Variants in SDK2 observed in about 807,000 individuals in gnomAD.
The protein encoded by SDK2 is sidekick cell adhesion molecule 2.
Under a neutral mutation model 253.9 loss-of-function variants are expected in SDK2, and 105 were observed. That is an observed-to-expected ratio of 0.41 (90% confidence interval 0.35 to 0.49). SDK2 has a LOEUF of 0.49. SDK2 is among the 20% of genes least tolerant of loss of function. The pLI is 0.06. For missense variants in SDK2, 2,608 were observed against 3,003.0 expected (o/e 0.87, Z 3.07); for synonymous variants, 1,249 against 1,234.9 (o/e 1.01, Z -0.24).
At chr17:73,392,223 T>TC (rs56198145) in intron 27 of SDK2, among the ~76,000 whole-genome samples, 147,787 of 147,788 alleles carry the variant, frequency 1, 73,893 homozygotes, top group Non-Finnish European at 1. Flanking sequence ...GGGGCACTCT[T>TC]CTGTGTTGCC....
intron 1 of SDK2, among the ~76,000 whole-genome samples, chr17:73,603,356 C>T (rs763263327): frequency 2.6e-5 from 4 of 152,198 alleles, no homozygotes; most frequent in African/African-American, 4.8e-5. Context: ...ACTTCTGGGC[C>T]GGACTGAGAG....
chr17:73,441,274 G>A (rs2063413703), intron 5 of SDK2, among the ~76,000 whole-genome samples: 1 of 149,854 alleles, frequency 6.7e-6, no homozygotes, highest in Non-Finnish European at 1.5e-5. Context: ...TGTTGGTTTA[G>A]TTCTGCATTG....
chr17:73,353,333 G>A (rs1185569102), intron 40 of SDK2, among the ~76,000 whole-genome samples: 2 of 152,072 alleles, frequency 1.3e-5, no homozygotes, highest in Non-Finnish European at 2.9e-5. Context: ...TTATCATATG[G>A]GAATACCCTT....
In SDK2 at chr17:73,431,379, A is replaced by G. The variant is rs2063324353; in HGVS notation, c.1480+123T>C. On this transcript the variant is annotated intron_variant, in intron 11 of 44. Coordinates refer to ENST00000392650, the MANE Select transcript of SDK2 (RefSeq NM_001144952.2). This position sits in a 1 kb window ranked among gnomAD's most constrained non-coding sequence, Gnocchi z 5.6. ...GAGAAGGGCCCTGACTGGGACAGAC[A>G]CTGGGGATGGAGACACTGGTGGTAT... is the stretch of plus-strand genomic sequence containing the variant. 1 of 948,956 alleles carries G rather than the reference A, an allele frequency of 1.1e-6. No homozygotes were observed. Among genetic ancestry groups the G allele is most frequent in the Non-Finnish European group, 1.5e-6 (1 of 649,814 alleles). The allele number at this position is 948,956 out of a possible 1,614,324, so 58.8% of individuals were successfully genotyped here.
chr17:73,532,928 G>A (rs2064181605), intron 1 of SDK2, among the ~76,000 whole-genome samples: 1 of 152,200 alleles, frequency 6.6e-6, no homozygotes, highest in Non-Finnish European at 1.5e-5. Context: ...CGGCACAGCG[G>A]TTTACCCAGA....
chr17:73,461,437 G>A (rs1007537588), intron 3 of SDK2, among the ~76,000 whole-genome samples: 2 of 152,254 alleles, frequency 1.3e-5, no homozygotes, highest in Non-Finnish European at 2.9e-5. Context: ...GAGAGGAATA[G>A]CAGGAGGACC....
rs1480936349 is a variant in SDK2, at chr17:73,401,518, T to A, written c.2779+136A>T. The A allele has an allele frequency of 9.7e-6, 8 of 828,126 alleles. No homozygotes were observed. In the Admixed American group the frequency reaches 1.6e-4, roughly 17 times the overall value. 51.3% of individuals were successfully genotyped at this position (828,126 alleles called of 1,614,324 possible). ...TGAAGTGGAGGTGCCAAGAGCCTCC[T>A]GTGAGTGGTTTCTAAGAAAGCATGG... On this transcript the variant is annotated intron_variant, in intron 20 of 44. Transcript: ENST00000392650.
rs367842935 is a variant in SDK2, at chr17:73,358,191, C to A, written c.5481G>T (p.Pro1827=). 3 of 1,605,538 alleles carry A rather than the reference C, an allele frequency of 1.9e-6. No individual in the cohort carries two copies. Among genetic ancestry groups the A allele is most frequent in the South Asian group, 2.2e-5 (2 of 89,768 alleles). The part of the protein sequence containing the change: ...TTGPGEGAPG[P]PGVPIIVRYS... ...ACCGCACGATGATGGGCACGCCAGG[C>A]GGTCCTGGGGCACCTGCAGACAGCA... The change falls in exon 40 of 45, where the codon CCG becomes CCT. Residue 1827 remains proline, a synonymous_variant. Coordinates refer to ENST00000392650, the MANE Select transcript of SDK2 (RefSeq NM_001144952.2).
At chr17:73,480,309 G>C (rs1276652992) in intron 2 of SDK2, among the ~76,000 whole-genome samples, 1 of 152,134 alleles carries the variant, frequency 6.6e-6, no homozygotes, top group Admixed American at 6.5e-5. Flanking sequence ...AGGATAGTTC[G>C]GCTGTCTACC....
rs1442340061 is a variant in SDK2, at chr17:73,511,353, C to T, written c.65-3756G>A. 6.6e-6 allele frequency among the ~76,000 whole-genome samples: 1 copy of T among 152,184 alleles called. No homozygotes were observed. The highest frequency in any genetic ancestry group is 1.5e-5 in the Non-Finnish European group (1 of 68,028). ...GCATATGTGTGAGCACACACACACG[C>T]GCGAGCACGCACACGCTCTGCGCCC... On this transcript the variant is annotated intron_variant, in intron 1 of 44. Coordinates refer to ENST00000392650, the MANE Select transcript of SDK2 (RefSeq NM_001144952.2). This position sits in a 1 kb window ranked among gnomAD's most constrained non-coding sequence, Gnocchi z 4.9.
At chr17:73,422,968 C>T (rs1030532097) in intron 14 of SDK2, among the ~76,000 whole-genome samples, 1 of 151,980 alleles carries the variant, frequency 6.6e-6, no homozygotes, top group Non-Finnish European at 1.5e-5. Context: ...TTGCAGTGAG[C>T]CGAGATGGCA....
chr17:73,566,273 T>C (rs929741023), intron 1 of SDK2, among the ~76,000 whole-genome samples: 3 of 151,874 alleles, frequency 2.0e-5, no homozygotes, highest in Non-Finnish European at 4.4e-5. Flanking sequence ...CTATGCTTCT[T>C]GTACAGCCTC....
At chr17:73,459,517 A>C (rs1406270181) in intron 3 of SDK2, among the ~76,000 whole-genome samples, 2 of 152,208 alleles carry the variant, frequency 1.3e-5, no homozygotes, top group Non-Finnish European at 2.9e-5. Flanking sequence ...ATGGTTCTAC[A>C]GCATCCTGGA....
chr17:73,559,956 TGGCA>T (rs1225373336), intron 1 of SDK2, among the ~76,000 whole-genome samples: 1 of 152,112 alleles, frequency 6.6e-6, no homozygotes, highest in Non-Finnish European at 1.5e-5. Context: ...CTGGGCTCAG[TGGCA>T]GTCACCCCTG....
chr17:73,594,001 G>C (rs1243612314), intron 1 of SDK2, among the ~76,000 whole-genome samples: 1 of 152,224 alleles, frequency 6.6e-6, no homozygotes, highest in Non-Finnish European at 1.5e-5. Context: ...GGAAAACAGA[G>C]GCTTGGAGGT....
chr17:73,397,954 G>A, intron 24 of SDK2, 81 bp downstream of exon 24: 1 of 1,461,244 alleles, frequency 6.8e-7, no homozygotes, highest in Non-Finnish European at 9.3e-7. Context: ...GGAGCTGTAG[G>A]AATTCTGATG....
At chr17:73,442,871 T>C (rs573048697) in intron 5 of SDK2, among the ~76,000 whole-genome samples, 2 of 121,284 alleles carry the variant, frequency 1.6e-5, no homozygotes, top group African/African-American at 6.0e-5. Flanking sequence ...ATAGAGGTGG[T>C]AGCAATTCCT....
At chr17:73,622,255 C>T (rs2046142121) in intron 1 of SDK2, among the ~76,000 whole-genome samples, 1 of 152,200 alleles carries the variant, frequency 6.6e-6, no homozygotes, top group Non-Finnish European at 1.5e-5. Flanking sequence ...GAGAAAATAA[C>T]CTTTTATCTC....
At chr17:73,403,652 T>A (rs909441610) in intron 18 of SDK2, among the ~76,000 whole-genome samples, 1 of 152,268 alleles carries the variant, frequency 6.6e-6, no homozygotes, top group African/African-American at 2.4e-5. Flanking sequence ...CTCATGCCTA[T>A]AACAATGCTT....
Sources: gnomAD v4.1 joint callset for allele counts (sites outside exome capture counted in the v4.1 genomes callset) on GRCh38, gnomAD v4.1.1 for gene constraint, Gnocchi (gnomAD v3.1) non-coding constraint, MANE v1.5 for transcripts, NCBI Gene and HGNC (gene_info 2026-07-23, HGNC 2026-07-21) for gene names.